The following ERI2 variants were observed in gnomAD, a reference collection of about 807,000 sequenced individuals.
ERI2 encodes the protein ERI1 exoribonuclease 2.
In ERI2, 35 loss-of-function variants were observed where a neutral mutation model predicts 46.8. The ratio of observed to expected loss-of-function variants is 0.75; its 90% CI spans 0.57 to 0.99. The LOEUF (loss-of-function observed/expected upper bound fraction) is 0.99, where lower values mean the gene tolerates loss of function less well. Ranked by LOEUF, ERI2 falls within the 50% of genes least tolerant of loss-of-function variation. The pLI, the probability that ERI2 is intolerant of heterozygous loss-of-function variation, is 0.00. For missense variants in ERI2, 695 were observed against 796.2 expected, an observed-to-expected ratio of 0.87 and a Z score of 1.53; for synonymous variants, 224 against 271.0, an observed-to-expected ratio of 0.83 and a Z score of 1.70.
At chr16:20,800,154 G>A in intron 6 of ERI2, 116 bp from the exon 7 acceptor site, 2 of 886,850 alleles carry the variant, frequency 2.3e-6, no homozygotes, top group Admixed American at 5.2e-5. Context: ...TTTTTTGTGT[G>A]TTGTTTTTAA....
downstream of ERI2, chr16:20,792,188 G>A: frequency 6.2e-7 from 1 of 1,613,994 alleles, no homozygotes; most frequent in Non-Finnish European, 8.5e-7. Flanking sequence ...GTGTTCTAGA[G>A]TGAACCTGCC....
In ERI2 at chr16:20,798,391, G is replaced by A. The variant is rs1403617876; in HGVS notation, c.1409C>T (p.Thr470Ile). 1.3e-6 allele frequency: 2 copies of A among 1,550,580 alleles called. No individual in the cohort carries two copies. The highest frequency in any genetic ancestry group is 3.9e-5 in the Admixed American group (2 of 50,810). The change falls in exon 9 of 9, where the codon ACT (threonine) becomes ATT (isoleucine). Residue 470 changes from threonine (T) to isoleucine (I), a missense_variant. By Grantham distance (89) the Thr-to-Ile change is moderately conservative. Coordinates refer to ENST00000357967, the MANE Select transcript of ERI2 (RefSeq NM_001142725.2). ...DIEETPQKSE[T>I]SKSIVYKSPH... is the part of the protein sequence containing the mutation. ...ACTCTTGTACACAATAGACTTAGAA[G>A]TCTCAGATTTTTGAGGAGTTTCCTC... is the stretch of plus-strand genomic sequence containing the variant.
intron 10 of ERI2, among the ~76,000 whole-genome samples, chr16:20,785,296 C>A (rs1248491919): frequency 6.6e-6 from 1 of 152,114 alleles, no homozygotes; most frequent in Non-Finnish European, 1.5e-5. Flanking sequence ...GTTTAAATAG[C>A]CATTCATTGA....
At position 20,803,639 on chromosome 16, in the gene ERI2, CA is replaced by C; in HGVS notation, c.54del (p.Ile18MetfsTer20). 1.2e-6 allele frequency: 2 copies of C among 1,614,116 alleles called. No homozygotes were observed. The highest frequency in any genetic ancestry group is 1.7e-6 in the Non-Finnish European group (2 of 1,180,018). ...CTTCCGAGATTTCCATTTGCTGGCG[CA>C]ATTGACTTTCTCCTAATTAATCCAA... ...RQLGLIRRKS[I>X]APANGNLGRS... On this transcript the variant is annotated frameshift_variant, in exon 2 of 9. Coordinates refer to ENST00000357967, the MANE Select transcript of ERI2 (RefSeq NM_001142725.2). LOFTEE classifies it high-confidence loss of function.
chr16:20,801,221 C>T lies in ERI2; in HGVS notation c.442G>A (p.Ala148Thr), dbSNP rs749017412. 6.2e-7 allele frequency: 1 copy of T among 1,610,520 alleles called. No individual in the cohort carries two copies. The highest frequency in any genetic ancestry group is 8.5e-7 in the Non-Finnish European group (1 of 1,178,636). The change falls in exon 5 of 9, where the codon GCA (alanine) becomes ACA (threonine). Residue 148 changes from alanine to threonine, a missense_variant. Physicochemically the swap from Ala to Thr is moderately conservative, Grantham distance 58. Coordinates refer to ENST00000357967, the MANE Select transcript of ERI2 (RefSeq NM_001142725.2). ...EPSASEVKLC[A>T]FVTWSDWDLG... ...TCTTTACCTGACCAAGTAACAAATG[C>T]ACATAATTTTACTTCAGAAGCAGAA...
intron 10 of ERI2, among the ~76,000 whole-genome samples, chr16:20,788,627 A>G (rs2080527101): frequency 6.6e-6 from 1 of 152,162 alleles, no homozygotes; most frequent in Non-Finnish European, 1.5e-5. Context: ...CTACAACTTC[A>G]AAGCCCAACC....
chr16:20,798,448 TC>T lies in ERI2; in HGVS notation c.1351del (p.Glu451LysfsTer11), dbSNP rs1289934490. ...TCCAAAGTTTTCATGACTTGACATT[TC>T]CAATTCTTTCAAAACCATTAATCTT... Reference protein sequence around the residue: ...GERLMVLKELEMSSHENFGDI... With the variant: ...GERLMVLKELXMSSHENFGDI... On this transcript the variant is annotated frameshift_variant, in exon 9 of 9. Coordinates refer to ENST00000357967, the MANE Select transcript of ERI2 (RefSeq NM_001142725.2). LOFTEE classifies it high-confidence loss of function. The T allele has an allele frequency of 1.3e-6, 2 of 1,550,956 alleles. No individual in the cohort carries two copies. The highest frequency in any genetic ancestry group is 1.7e-6 in the Non-Finnish European group (2 of 1,146,796).
At chr16:20,804,462 C>T (rs193214077) in intron 1 of ERI2, among the ~76,000 whole-genome samples, 2 of 151,906 alleles carry the variant, frequency 1.3e-5, no homozygotes, top group East Asian at 3.9e-4. Context: ...CTCCGGAGTT[C>T]GAGACCAGCC....
At chr16:20,801,116 A>C in intron 5 of ERI2, 87 bp downstream of exon 5, 1 of 1,201,570 alleles carries the variant, frequency 8.3e-7, no homozygotes, top group Non-Finnish European at 1.1e-6. Context: ...ACATAATTCT[A>C]GGTTAGCAAG....
At chr16:20,791,311 G>A (rs976721223) in intron 8 of ERI2, among the ~76,000 whole-genome samples, 6 of 152,142 alleles carry the variant, frequency 3.9e-5, no homozygotes, top group African/African-American at 1.4e-4. Flanking sequence ...AAACAAACCT[G>A]TCTGCTCTTT....
downstream of ERI2, among the ~76,000 whole-genome samples, chr16:20,794,925 A>G (rs1344566427): frequency 6.6e-6 from 1 of 152,220 alleles, no homozygotes; most frequent in Non-Finnish European, 1.5e-5. Context: ...AAGATAAAAG[A>G]GACTATCCAA....
At position 20,790,626 on chromosome 16, in the gene ERI2, G is replaced by A. The variant is rs1446789384; in HGVS notation, c.815+224C>T. The A allele has an allele frequency of 5.6e-6, 9 of 1,612,550 alleles. No homozygotes were observed. The highest frequency in any genetic ancestry group is 7.6e-6 in the Non-Finnish European group (9 of 1,179,958). On this transcript the variant is annotated intron_variant, in intron 9 of 10. Coordinates refer to the ERI2 transcript ENST00000300005. This position sits in a 1 kb window ranked among gnomAD's most constrained non-coding sequence, Gnocchi z 4.0. ...TGGCAATGTTCTACCTCCTGGACAA[G>A]AAGGAGATATTGGCATTCAAGTTCT...
In ERI2 at chr16:20,798,855, G is replaced by GT. The variant is rs1567370457; in HGVS notation, c.944dup (p.Asn315LysfsTer18). 14 of 1,550,722 alleles carry GT rather than the reference G, an allele frequency of 9.0e-6. No homozygotes were observed. Among genetic ancestry groups the GT allele is most frequent in the South Asian group, 1.2e-5 (1 of 83,830 alleles). On this transcript the variant is annotated frameshift_variant, in exon 9 of 9. Coordinates refer to ENST00000357967, the MANE Select transcript of ERI2 (RefSeq NM_001142725.2). LOFTEE classifies it low-confidence loss of function (END_TRUNC). The stretch of plus-strand genomic sequence containing the variant: ...CATTGTGAAGACTTGCTTTTATATT[G>GT]TTTTTTACTTGTAATTGATCCTGTT...
chr16:20,805,419 C>CA (rs55794423), intron 1 of ERI2, among the ~76,000 whole-genome samples: 1,510 of 131,242 alleles, frequency 0.012, 21 homozygotes, highest in African/African-American at 0.039. Context: ...AACTCCGTCT[C>CA]AAAAAAAAAA....
intron 2 of ERI2, 25 bp from the exon 3 acceptor site, chr16:20,803,541 T>C (rs1438151454): frequency 6.2e-7 from 1 of 1,613,944 alleles, no homozygotes; most frequent in South Asian, 1.1e-5. Context: ...GTTGTTCTTA[T>C]GCTTTACCAG....
In ERI2 at chr16:20,790,070, G is replaced by GCGTT. The variant is rs2080564199; in HGVS notation, c.816-517_816-514dup. Among the ~76,000 whole-genome samples, 1 of 152,036 alleles carries GCGTT rather than the reference G, an allele frequency of 6.6e-6. No individual in the cohort carries two copies. Among genetic ancestry groups the GCGTT allele is most frequent in the Non-Finnish European group, 1.5e-5 (1 of 68,010 alleles). On this transcript the variant is annotated intron_variant, in intron 9 of 10. Transcript: ENST00000300005. This position sits in a 1 kb window ranked among gnomAD's most constrained non-coding sequence, Gnocchi z 4.0. ...TAAAATTTTTAAAAAATTTTATCCT[G>GCGTT]CGTTCACATGTTGGTAACCTGTATT...
intron 1 of ERI2, among the ~76,000 whole-genome samples, chr16:20,803,975 CCTGA>C (rs915402414): frequency 7.2e-5 from 11 of 152,104 alleles, no homozygotes; most frequent in Admixed American, 1.3e-4. Flanking sequence ...ACCACAGTCT[CCTGA>C]CTAAGACTAC....
intron 5 of ERI2, 86 bp downstream of exon 5, chr16:20,801,117 G>A (rs2080791160): frequency 8.2e-7 from 1 of 1,213,956 alleles, no homozygotes. Flanking sequence ...CATAATTCTA[G>A]GTTAGCAAGT....
chr16:20,795,099 G>A (rs1194200974), downstream of ERI2, among the ~76,000 whole-genome samples: 4 of 152,160 alleles, frequency 2.6e-5, no homozygotes, highest in African/African-American at 7.2e-5. Context: ...AAAAGTGAAT[G>A]GAACAAAATT....
Sources: allele counts gnomAD v4.1 joint callset (sites outside exome capture counted in the v4.1 genomes callset), GRCh38; gene constraint gnomAD v4.1.1; non-coding constraint Gnocchi (gnomAD v3.1); transcripts MANE v1.5; gene names NCBI Gene and HGNC (gene_info 2026-07-23, HGNC 2026-07-21).